Variants in NRCAM observed in about 807,000 individuals in gnomAD.
The protein encoded by NRCAM is NgCAM-related cell adhesion molecule.
A neutral mutation model predicts 156.5 loss-of-function variants in NRCAM; 83 were observed. The observed-to-expected ratio is 0.53, with a 90% CI of 0.44 to 0.64. NRCAM has a LOEUF of 0.64. Among genes scored for constraint, NRCAM ranks in the 30% least tolerant of loss-of-function variants. NRCAM has a pLI of 0.00. For synonymous variants in NRCAM, 538 were observed against 563.9 expected, an observed-to-expected ratio of 0.95 and a Z score of 0.65; for missense variants, 1,417 against 1,597.3, an observed-to-expected ratio of 0.89 and a Z score of 1.92.
intron 1 of NRCAM, among the ~76,000 whole-genome samples, chr7:108,400,831 A>T (rs1352408609): frequency 6.6e-6 from 1 of 152,040 alleles, no homozygotes; most frequent in Non-Finnish European, 1.5e-5. Flanking sequence ...ATGGATCATG[A>T]CCTGGGGCCA....
rs1310735324 is a variant in NRCAM at position 108,256,266 on chromosome 7, T to C, written c.-106-16096A>G. ...AGAAGTAGACATAGGAGACTCCATT[T>C]TGTTCTGTACTAAGAAAAATTCTTC... On this transcript the variant is annotated intron_variant, in intron 3 of 32. Coordinates refer to ENST00000379028, the MANE Select transcript of NRCAM (RefSeq NM_001037132.4). Among the ~76,000 whole-genome samples, 14 of 151,278 alleles carry C rather than the reference T, an allele frequency of 9.3e-5. No homozygotes were observed. In the East Asian group the frequency reaches 2.7e-3, roughly 29 times the overall value.
At chr7:108,369,691 A>G (rs1181518793) in intron 2 of NRCAM, among the ~76,000 whole-genome samples, 1 of 152,130 alleles carries the variant, frequency 6.6e-6, no homozygotes, top group Non-Finnish European at 1.5e-5. Context: ...ATTGTGCCTT[A>G]CCTGAATGTT....
At chr7:108,197,053 C>T (rs1024690287) in intron 14 of NRCAM, among the ~76,000 whole-genome samples, 2 of 152,118 alleles carry the variant, frequency 1.3e-5, no homozygotes, top group African/African-American at 2.4e-5. Flanking sequence ...TCATGTCGTT[C>T]ATGTCATGAC....
chr7:108,200,075 T>C (rs924827958), intron 13 of NRCAM, among the ~76,000 whole-genome samples: 1 of 152,218 alleles, frequency 6.6e-6, no homozygotes, highest in South Asian at 2.1e-4. Flanking sequence ...AAAGCAGTTG[T>C]TCAACACTCT....
At chr7:108,158,622 G>A (rs888216640) in intron 32 of NRCAM, among the ~76,000 whole-genome samples, 1 of 151,764 alleles carries the variant, frequency 6.6e-6, no homozygotes, top group Non-Finnish European at 1.5e-5. Flanking sequence ...CTCAAAATGG[G>A]CTTAATGCAT....
chr7:108,317,204 T>C (rs2098937068), intron 2 of NRCAM, among the ~76,000 whole-genome samples: 1 of 152,202 alleles, frequency 6.6e-6, no homozygotes, highest in African/African-American at 2.4e-5. Context: ...GTGATGTTTC[T>C]AGTTTGGGGG....
intron 2 of NRCAM, among the ~76,000 whole-genome samples, chr7:108,334,091 T>C (rs775687263): frequency 6.6e-6 from 1 of 152,248 alleles, no homozygotes; most frequent in South Asian, 2.1e-4. Context: ...TCCACTGAAA[T>C]GCTGTGCCAT....
At chr7:108,310,350 C>T (rs1189285308) in intron 3 of NRCAM, among the ~76,000 whole-genome samples, 1 of 152,190 alleles carries the variant, frequency 6.6e-6, no homozygotes, top group African/African-American at 2.4e-5. Context: ...TGCATTTTAG[C>T]TCAAGGTTTT....
At chr7:108,209,220 C>A (rs2153582246) in intron 12 of NRCAM, among the ~76,000 whole-genome samples, 1 of 152,216 alleles carries the variant, frequency 6.6e-6, no homozygotes, top group Middle Eastern at 3.4e-3. Context: ...AACTGGGATT[C>A]TTTTGTGAGG....
At chr7:108,203,826 T>C (rs1296081944) in intron 13 of NRCAM, among the ~76,000 whole-genome samples, 1 of 152,196 alleles carries the variant, frequency 6.6e-6, no homozygotes, top group African/African-American at 2.4e-5. Flanking sequence ...CACCTGCAAT[T>C]TCTGCAGTCT....
At chr7:108,378,362 AAAAAGATT>A (rs1311561382) in intron 2 of NRCAM, among the ~76,000 whole-genome samples, 8 of 152,140 alleles carry the variant, frequency 5.3e-5, no homozygotes, top group Admixed American at 5.2e-4. Flanking sequence ...AGACACAGGT[AAAAAGATT>A]AATAGAGAAC....
intron 2 of NRCAM, among the ~76,000 whole-genome samples, chr7:108,394,779 T>C (rs922931214): frequency 7.2e-5 from 11 of 152,204 alleles, no homozygotes; most frequent in Non-Finnish European, 1.5e-4. Context: ...CTGTTAGTAG[T>C]TCTGCATCCT....
At chr7:108,393,332 A>G (rs1412738135) in intron 2 of NRCAM, among the ~76,000 whole-genome samples, 1 of 152,150 alleles carries the variant, frequency 6.6e-6, no homozygotes, top group Non-Finnish European at 1.5e-5. Context: ...GCTAGCAACA[A>G]GCAAGGCTCT....
At chr7:108,288,716 C>T (rs765013602) in intron 3 of NRCAM, among the ~76,000 whole-genome samples, 35 of 152,004 alleles carry the variant, frequency 2.3e-4, no homozygotes, top group Admixed American at 2.0e-3. Flanking sequence ...AATTAGCAGG[C>T]GGGAGAGTTC....
intron 3 of NRCAM, among the ~76,000 whole-genome samples, chr7:108,261,141 T>C (rs1483824186): frequency 6.6e-6 from 1 of 152,196 alleles, no homozygotes; most frequent in East Asian, 1.9e-4. Context: ...GACTTGGAAA[T>C]ATTCCCTATG....
At chr7:108,151,324 G>C (rs2041482646) in intron 32 of NRCAM, among the ~76,000 whole-genome samples, 1 of 151,796 alleles carries the variant, frequency 6.6e-6, no homozygotes, top group African/African-American at 2.4e-5. Flanking sequence ...ATGTAAAAAT[G>C]AAAAAGCCTT....
chr7:108,151,317 T>TAA (rs1347143320), intron 32 of NRCAM, among the ~76,000 whole-genome samples: 2 of 152,010 alleles, frequency 1.3e-5, no homozygotes, highest in African/African-American at 4.8e-5. Context: ...TTTACTAATG[T>TAA]AAAAATGAAA....
chr7:108,345,861 A>C (rs2099349797), intron 2 of NRCAM, among the ~76,000 whole-genome samples: 1 of 152,216 alleles, frequency 6.6e-6, no homozygotes, highest in Non-Finnish European at 1.5e-5. Context: ...CATACGCTGC[A>C]AGCTGCACAA....
intron 3 of NRCAM, among the ~76,000 whole-genome samples, chr7:108,261,226 A>T (rs77157619): frequency 0.04 from 6,144 of 152,304 alleles, 166 homozygotes; most frequent in Middle Eastern, 0.078. Context: ...TAATCATTAT[A>T]AAACCCACTT....
Sources: gnomAD v4.1 joint callset for allele counts (sites outside exome capture counted in the v4.1 genomes callset) on GRCh38, gnomAD v4.1.1 for gene constraint, MANE v1.5 for transcripts, NCBI Gene and HGNC (gene_info 2026-07-23, HGNC 2026-07-21) for gene names.